Variants in FBXL5 observed in about 807,000 individuals in gnomAD.
FBXL5 encodes the protein F-box and leucine rich repeat protein 5, also known as F-box/LRR-repeat protein 5.
Under a neutral mutation model 78.3 loss-of-function variants are expected in FBXL5, and 26 were observed. The ratio of observed to expected loss-of-function variants is 0.33; its 90% CI spans 0.24 to 0.46. The LOEUF (loss-of-function observed/expected upper bound fraction) is 0.46, where lower values mean the gene tolerates loss of function less well. FBXL5 is among the 20% of genes least tolerant of loss of function. The pLI, the probability that FBXL5 is intolerant of heterozygous loss-of-function variation, is 1.00. For synonymous variants in FBXL5, 295 were observed against 282.5 expected, an observed-to-expected ratio of 1.04 and a Z score of -0.45; for missense variants, 710 against 829.2, an observed-to-expected ratio of 0.86 and a Z score of 1.77.
At chr4:15,681,041 G>C (rs1431496125) in intron 1 of FBXL5, among the ~76,000 whole-genome samples, 1 of 151,328 alleles carries the variant, frequency 6.6e-6, no homozygotes, top group Non-Finnish European at 1.5e-5. Context: ...AACCTATCTT[G>C]TTAATGATCA....
rs183174279 is a variant in FBXL5 at position 15,628,295 on chromosome 4, A to G, written c.893-262T>C. Among the ~76,000 whole-genome samples the G allele has an allele frequency of 3.9e-5, 6 of 152,342 alleles. 1 individual carries two copies. In the East Asian group the frequency reaches 1.2e-3, roughly 29 times the overall value. On this transcript the variant is annotated intron_variant, in intron 6 of 10. Coordinates refer to ENST00000341285, the MANE Select transcript of FBXL5 (RefSeq NM_012161.4). The stretch of plus-strand genomic sequence containing the variant: ...TAAAACGTACTATCACTGATTCCAC[A>G]TAACTAAAAAGGGCACAAAGCTAGA...
rs78135345 is a variant in FBXL5, at chr4:15,664,919, A to G, written c.-283-4997T>C. ...CCAACAGCCTACAGGTACAAATGTC[A>G]CAATATCATTAATATGTGAATCTTA... is the stretch of plus-strand genomic sequence containing the variant. On this transcript the variant is annotated intron_variant, in intron 1 of 4. Coordinates refer to the FBXL5 transcript ENST00000507899. Among the ~76,000 whole-genome samples, 404 of 152,178 alleles carry G rather than the reference A, an allele frequency of 2.7e-3. 2 individuals carry two copies. The highest frequency in any genetic ancestry group is 9.2e-3 in the African/African-American group (380 of 41,502).
rs1560221443 is a variant in FBXL5, at chr4:15,628,034, C to CTGTAAAATGAA, written c.893-12_893-2dup. 1 of 1,612,842 alleles carries CTGTAAAATGAA rather than the reference C, an allele frequency of 6.2e-7. No homozygotes were observed. Among genetic ancestry groups the CTGTAAAATGAA allele is most frequent in the Non-Finnish European group, 8.5e-7 (1 of 1,179,604 alleles). ...GCAATTGATTCCTCCGCAGACTCTT[C>CTGTAAAATGAA]TGTAAAATGAATTCAAAAGTCCAAG... On this transcript the variant is annotated splice_acceptor_variant, in intron 6 of 10. Transcript: ENST00000341285. LOFTEE classifies it high-confidence loss of function.
At chr4:15,680,381 G>A (rs930148455) in intron 1 of FBXL5, among the ~76,000 whole-genome samples, 9 of 152,184 alleles carry the variant, frequency 5.9e-5, no homozygotes, top group Admixed American at 5.9e-4. Context: ...TAAAAATCCA[G>A]TGGGAGAGGC....
At chr4:15,612,855 T>TATA (rs1722360501) in intron 9 of FBXL5, among the ~76,000 whole-genome samples, 1 of 152,184 alleles carries the variant, frequency 6.6e-6, no homozygotes, top group South Asian at 2.1e-4. Context: ...GTCCCAGGTA[T>TATA]ATACCCAAGA....
chr4:15,615,739 T>A (rs888197884), intron 9 of FBXL5, among the ~76,000 whole-genome samples: 3 of 151,576 alleles, frequency 2.0e-5, no homozygotes, highest in Non-Finnish European at 4.4e-5. Context: ...AACCTTTGTA[T>A]CTAGCTCAGG....
chr4:15,608,029 A>G (rs1368918848), intron 10 of FBXL5, among the ~76,000 whole-genome samples: 2 of 152,142 alleles, frequency 1.3e-5, no homozygotes, highest in Non-Finnish European at 2.9e-5. Flanking sequence ...TGTTTGCATC[A>G]TTATAATGAA....
At chr4:15,667,870 C>A (rs1717611420) in intron 1 of FBXL5, among the ~76,000 whole-genome samples, 1 of 151,914 alleles carries the variant, frequency 6.6e-6, no homozygotes, top group African/African-American at 2.4e-5. Context: ...GGAGAAACCC[C>A]GTCTCTAATA....
intron 1 of FBXL5, among the ~76,000 whole-genome samples, chr4:15,650,342 A>G (rs934343789): frequency 6.6e-6 from 1 of 152,168 alleles, no homozygotes; most frequent in Non-Finnish European, 1.5e-5. Context: ...CGCATCACAA[A>G]CACTTCAAAC....
intron 9 of FBXL5, among the ~76,000 whole-genome samples, chr4:15,624,901 C>T (rs1712869317): frequency 1.3e-5 from 2 of 152,198 alleles, no homozygotes; most frequent in Non-Finnish European, 2.9e-5. Flanking sequence ...AAATAATACA[C>T]AGCAACAGAA....
intron 9 of FBXL5, among the ~76,000 whole-genome samples, chr4:15,621,286 A>C (rs1380403739): frequency 6.6e-6 from 1 of 152,202 alleles, no homozygotes; most frequent in African/African-American, 2.4e-5. Context: ...AACATGCAAA[A>C]CTCAGTTATA....
intron 1 of FBXL5, among the ~76,000 whole-genome samples, chr4:15,680,718 T>C (rs920716702): frequency 6.6e-6 from 1 of 151,980 alleles, no homozygotes; most frequent in Non-Finnish European, 1.5e-5. Flanking sequence ...CAAAAATTTT[T>C]AAAAATTTGA....
Position 15,612,303 on chromosome 4 carries a change from C to G in FBXL5, c.1962G>C (p.Leu654=), listed in dbSNP as rs1441939290. 1.2e-6 allele frequency: 2 copies of G among 1,611,066 alleles called. No individual in the cohort carries two copies. Among genetic ancestry groups the G allele is most frequent in the South Asian group, 2.2e-5 (2 of 90,298 alleles). ...CACAGTAGTAAAAGTATTCATCATT[C>G]AGAGAAGGACATGCTGAAACCAAAT... ...LQDLVSACPS[L]NDEYFYYCDN... Residue 654 remains leucine, a synonymous_variant, in exon 10 of 11, where the codon CTG becomes CTC. Coordinates refer to ENST00000341285, the MANE Select transcript of FBXL5 (RefSeq NM_012161.4).
chr4:15,678,563 T>C (rs2148831875), intron 1 of FBXL5, among the ~76,000 whole-genome samples: 1 of 152,272 alleles, frequency 6.6e-6, no homozygotes, highest in South Asian at 2.1e-4. Flanking sequence ...CTCAAAATAG[T>C]CCTTGTCTGA....
Position 15,605,691 on chromosome 4 carries a change from A to C in FBXL5, c.*32T>G, listed in dbSNP as rs574456928. 14 of 1,595,798 alleles carry C rather than the reference A, an allele frequency of 8.8e-6. No individual in the cohort carries two copies. In the African/African-American group the frequency reaches 1.6e-4, roughly 18 times the overall value. ...TGCATGAAAGAAAGCCTGCTCAGCTAAATGAAGTAGACAAAGATCAGAAGT... is the reference window on the plus strand; with the variant it reads ...TGCATGAAAGAAAGCCTGCTCAGCTCAATGAAGTAGACAAAGATCAGAAGT... On this transcript the variant is annotated 3_prime_UTR_variant, in exon 11 of 11. Coordinates refer to ENST00000341285, the MANE Select transcript of FBXL5 (RefSeq NM_012161.4).
In FBXL5 at chr4:15,652,288, G is replaced by C. The variant is rs902592840; in HGVS notation, c.84+2916C>G. On this transcript the variant is annotated intron_variant, in intron 1 of 10. Transcript: ENST00000341285. ...TCCCAAAAAAGTAAGAAACTACTAT[G>C]ATTTAATATAAAGAAAATTAAACTA... Among the ~76,000 whole-genome samples, 6 of 152,186 alleles carry C rather than the reference G, an allele frequency of 3.9e-5. No homozygotes were observed. In the East Asian group the frequency reaches 9.6e-4, roughly 24 times the overall value.
chr4:15,680,625 G>A (rs1718197002), intron 1 of FBXL5, among the ~76,000 whole-genome samples: 1 of 152,050 alleles, frequency 6.6e-6, no homozygotes, highest in Non-Finnish European at 1.5e-5. Context: ...GCAGTGAGCC[G>A]AGGCTGCGCC....
chr4:15,613,797 T>C (rs1226350956), intron 9 of FBXL5, among the ~76,000 whole-genome samples: 2 of 152,160 alleles, frequency 1.3e-5, no homozygotes, highest in African/African-American at 4.8e-5. Flanking sequence ...TTTTTATTTA[T>C]GCTATAAATT....
At chr4:15,643,322 G>A (rs1300896138) in intron 2 of FBXL5, among the ~76,000 whole-genome samples, 1 of 152,176 alleles carries the variant, frequency 6.6e-6, no homozygotes, top group African/African-American at 2.4e-5. Context: ...ATCTCCAGGT[G>A]AGGAGCACAT....
Sources: allele counts gnomAD v4.1 joint callset (sites outside exome capture counted in the v4.1 genomes callset), GRCh38; gene constraint gnomAD v4.1.1; transcripts MANE v1.5; gene names NCBI Gene and HGNC (gene_info 2026-07-23, HGNC 2026-07-21).